The following KLRD1 variants were observed in gnomAD, a reference collection of about 807,000 sequenced individuals.
KLRD1 encodes killer cell lectin like receptor D1.
KLRD1 carries 21 observed loss-of-function variants against 22.6 expected under a neutral mutation model. That is an observed-to-expected ratio of 0.93 (90% confidence interval 0.66 to 1.34). The LOEUF is 1.34. Among genes scored for constraint, KLRD1 ranks in the 40% most tolerant of loss-of-function variants. The pLI is 0.00. For synonymous variants in KLRD1, 59 were observed against 71.1 expected (o/e 0.83, Z 0.85); for missense variants, 183 against 208.6 (o/e 0.88, Z 0.76).
At chr12:10,272,901 A>T (rs1170496722) in intron 1 of KLRD1, among the ~76,000 whole-genome samples, 1 of 152,206 alleles carries the variant, frequency 6.6e-6, no homozygotes, top group Non-Finnish European at 1.5e-5. Context: ...TTTTAAAATT[A>T]GAAAACAATA....
At chr12:10,278,920 A>G (rs1949615485) in intron 1 of KLRD1, among the ~76,000 whole-genome samples, 1 of 144,602 alleles carries the variant, frequency 6.9e-6, no homozygotes, top group Admixed American at 6.9e-5. Context: ...CTTCTCAGAT[A>G]TGTATGCTAT....
chr12:10,309,496 C>A lies in KLRD1; in HGVS notation c.100+16C>A. On this transcript the variant is annotated intron_variant, in intron 2 of 5. Transcript: ENST00000336164. ...TTGAAAAATTGTAAGTTTTTCTAAG[C>A]AAGTCTCCATAAAAATCAAAACTGT... 2 of 1,371,384 alleles carry A rather than the reference C, an allele frequency of 1.5e-6. No homozygotes were observed. The highest frequency in any genetic ancestry group is 2.1e-6 in the Non-Finnish European group (2 of 958,874). 85.0% of individuals were successfully genotyped at this position (1,371,384 alleles called of 1,614,324 possible).
At chr12:10,311,657 A>T in intron 4 of KLRD1, 42 bp downstream of exon 4, 1 of 1,592,314 alleles carries the variant, frequency 6.3e-7, no homozygotes, top group Non-Finnish European at 8.6e-7. Flanking sequence ...TTTGATCTAG[A>T]AAAATATACT....
chr12:10,275,085 T>C (rs1197192670), intron 1 of KLRD1, among the ~76,000 whole-genome samples: 3 of 152,166 alleles, frequency 2.0e-5, no homozygotes, highest in Non-Finnish European at 1.5e-5. Flanking sequence ...AGATGGGGTT[T>C]CACCATGTTG....
chr12:10,289,933 C>T (rs998670420), intron 1 of KLRD1, among the ~76,000 whole-genome samples: 1 of 152,116 alleles, frequency 6.6e-6, no homozygotes, highest in Admixed American at 6.5e-5. Flanking sequence ...CATGCACCAC[C>T]ACACCCAGCT....
chr12:10,277,674 T>C (rs1949604355), intron 1 of KLRD1, among the ~76,000 whole-genome samples: 1 of 152,232 alleles, frequency 6.6e-6, no homozygotes, highest in Non-Finnish European at 1.5e-5. Flanking sequence ...ACAATTAAAA[T>C]GTATTTGAAT....
intron 1 of KLRD1, among the ~76,000 whole-genome samples, chr12:10,242,071 G>GTT (rs72326980): frequency 0.018 from 1,809 of 99,366 alleles, 119 homozygotes; most frequent in African/African-American, 0.063. Context: ...TGTTCTTGCT[G>GTT]TTTTTTTTTT....
chr12:10,245,589 A>G (rs1565445774), intron 1 of KLRD1, among the ~76,000 whole-genome samples: 2 of 152,122 alleles, frequency 1.3e-5, no homozygotes, highest in African/African-American at 4.8e-5. Context: ...TGTACATACT[A>G]TTGTATATTG....
Position 10,329,118 on chromosome 12 carries a change from C to G in KLRD1, c.*14325C>G, listed in dbSNP as rs148137293. 1 of 152,092 alleles carries G rather than the reference C, an allele frequency of 6.6e-6. No homozygotes were observed. Among genetic ancestry groups the G allele is most frequent in the South Asian group, 2.1e-4 (1 of 4,810 alleles). 9.4% of individuals were successfully genotyped at this position (152,092 alleles called of 1,614,324 possible). ...AGGTATAAAGTGCATTGTTTGAGAC[C>G]TTTCTTTTTTCTTAATGCAGATATT... On this transcript the variant is annotated 3_prime_UTR_variant, in exon 6 of 6. Transcript: ENST00000336164.
rs538916173 is a variant in KLRD1 at position 10,284,160 on chromosome 12, T to TG, written c.-100-23815dup. Among the ~76,000 whole-genome samples, 524 of 152,178 alleles carry TG rather than the reference T, an allele frequency of 3.4e-3. 5 individuals carry two copies. Among genetic ancestry groups the TG allele is most frequent in the African/African-American group, 0.012 (495 of 41,512 alleles). ...CAGATCGCACCAGTGCACTCCAGCC[T>TG]GGGTGACAAGAGTAAAACTCTCTCT... is the stretch of plus-strand genomic sequence containing the variant. On this transcript the variant is annotated intron_variant, in intron 1 of 5. Transcript: ENST00000544747.
At chr12:10,282,159 A>G (rs113618098) in intron 1 of KLRD1, among the ~76,000 whole-genome samples, 1,816 of 152,224 alleles carry the variant, frequency 0.012, 37 homozygotes, top group African/African-American at 0.042. Flanking sequence ...TTTCTCTAAC[A>G]TTGCCTATAA....
intron 1 of KLRD1, among the ~76,000 whole-genome samples, chr12:10,246,938 T>A (rs1363820607): frequency 7.3e-6 from 1 of 137,822 alleles, no homozygotes; most frequent in African/African-American, 3.2e-5. Context: ...CTTTTCTTTT[T>A]TTTTTTTTTT....
At chr12:10,284,137 G>A (rs1421397147) in intron 1 of KLRD1, among the ~76,000 whole-genome samples, 2 of 151,994 alleles carry the variant, frequency 1.3e-5, no homozygotes, top group African/African-American at 4.8e-5. Flanking sequence ...AGTGAGCCCA[G>A]ATCGCACCAG....
At chr12:10,272,932 A>G (rs142681273) in intron 1 of KLRD1, among the ~76,000 whole-genome samples, 9 of 152,302 alleles carry the variant, frequency 5.9e-5, no homozygotes, top group African/African-American at 2.2e-4. Context: ...CGTAATATAA[A>G]TAAATGACAT....
intron 1 of KLRD1, among the ~76,000 whole-genome samples, chr12:10,251,082 AC>A: frequency 6.6e-6 from 1 of 152,170 alleles, no homozygotes; most frequent in South Asian, 2.1e-4. Context: ...TAACATACTA[AC>A]CTTTCACTCT....
In KLRD1 at chr12:10,324,037, T is replaced by C. The variant is rs1303846922; in HGVS notation, c.*9244T>C. ...CCACCACGCCCAGCTAATTTTTGTATTTTTAGTAGAGACGGGGTTTCACCA... is the reference window on the plus strand; with the variant it reads ...CCACCACGCCCAGCTAATTTTTGTACTTTTAGTAGAGACGGGGTTTCACCA... On this transcript the variant is annotated 3_prime_UTR_variant, in exon 6 of 6. Transcript: ENST00000336164. The C allele has an allele frequency of 2.0e-5, 3 of 152,020 alleles. No individual in the cohort carries two copies. The highest frequency in any genetic ancestry group is 7.2e-5 in the African/African-American group (3 of 41,386). 9.4% of individuals were successfully genotyped at this position (152,020 alleles called of 1,614,324 possible).
At chr12:10,304,427 C>T (rs1949893671), upstream of KLRD1, 1 of 151,386 alleles carries the variant, frequency 6.6e-6, no homozygotes, top group Admixed American at 6.6e-5. Context: ...TAGTTTTATG[C>T]TTTTTTTTTA....
chr12:10,286,442 T>C (rs1949703484), intron 1 of KLRD1, among the ~76,000 whole-genome samples: 1 of 152,122 alleles, frequency 6.6e-6, no homozygotes. Flanking sequence ...GCATTTTACG[T>C]TTTACACATG....
chr12:10,315,318 G>T lies in KLRD1; in HGVS notation c.*525G>T, dbSNP rs560268573. On this transcript the variant is annotated 3_prime_UTR_variant, in exon 6 of 6. Transcript: ENST00000336164. ...ATTTTTAATTTTTTGTCAAGACAAG[G>T]TCTTGCTATGTTGCCCAGGCTGGTC... The T allele has an allele frequency of 2.3e-6, 1 of 439,242 alleles. No homozygotes were observed. Among genetic ancestry groups the T allele is most frequent in the Non-Finnish European group, 4.6e-6 (1 of 219,020 alleles). The allele number at this position is 439,242 out of a possible 1,614,324, so 27.2% of individuals were successfully genotyped here.
Sources: allele counts gnomAD v4.1 joint callset (sites outside exome capture counted in the v4.1 genomes callset), GRCh38; gene constraint gnomAD v4.1.1; transcripts MANE v1.5; gene names NCBI Gene and HGNC (gene_info 2026-07-23, HGNC 2026-07-21).